C14orf39: variants seen among roughly 807,000 people sequenced by gnomAD.
C14orf39 encodes the protein protein SIX6OS1.
Under a neutral mutation model 85.6 loss-of-function variants are expected in C14orf39, and 66 were observed. The ratio of observed to expected loss-of-function variants is 0.77; its 90% CI spans 0.63 to 0.95. The LOEUF is 0.95. C14orf39 is among the 40% of genes least tolerant of loss of function. The pLI, the probability that C14orf39 is intolerant of heterozygous loss-of-function variation, is 0.00. For synonymous variants in C14orf39, 242 were observed against 214.0 expected, an observed-to-expected ratio of 1.13 and a Z score of -1.14; for missense variants, 735 against 663.9, an observed-to-expected ratio of 1.11 and a Z score of -1.18.
At chr14:60,503,398 C>T (rs893476483) in intron 1 of C14orf39, among the ~76,000 whole-genome samples, 28 of 152,146 alleles carry the variant, frequency 1.8e-4, no homozygotes, top group African/African-American at 5.3e-4. Flanking sequence ...ACCTTACACA[C>T]GGCAGGCATT....
intron 11 of C14orf39, 88 bp downstream of exon 11, chr14:60,465,891 C>A (rs934753049): frequency 2.5e-5 from 10 of 407,786 alleles, no homozygotes; most frequent in Middle Eastern, 4.0e-4. Context: ...CACACACACA[C>A]ACGTCTGTGT....
At chr14:60,486,374 C>T (rs1595490727), upstream of C14orf39, among the ~76,000 whole-genome samples, 2 of 152,062 alleles carry the variant, frequency 1.3e-5, no homozygotes, top group East Asian at 3.8e-4. Flanking sequence ...TTTTGGAGTA[C>T]AACAATAAAA....
chr14:60,479,057 T>C (rs1242522284), intron 4 of C14orf39, among the ~76,000 whole-genome samples: 2 of 152,112 alleles, frequency 1.3e-5, no homozygotes, highest in African/African-American at 4.8e-5. Flanking sequence ...TTTTTTCAGA[T>C]TCAAAAAGTA....
At chr14:60,495,985 C>T (rs150576249) in intron 2 of C14orf39, 78 of 484,648 alleles carry the variant, frequency 1.6e-4, no homozygotes, top group East Asian at 1.0e-3. Flanking sequence ...CACTTTAGGA[C>T]GAAGGGTATC....
At chr14:60,450,409 C>A (rs1026870560) in intron 16 of C14orf39, among the ~76,000 whole-genome samples, 1 of 152,188 alleles carries the variant, frequency 6.6e-6, no homozygotes, top group East Asian at 1.9e-4. Context: ...GTCGTGGGGG[C>A]CACAGGGAGA....
chr14:60,490,418 A>G (rs1278342916), upstream of C14orf39, among the ~76,000 whole-genome samples: 1 of 151,164 alleles, frequency 6.6e-6, no homozygotes, highest in Non-Finnish European at 1.5e-5. Flanking sequence ...AGCCTGGGAA[A>G]CACAGAGAAA....
At position 60,471,714 on chromosome 14, in the gene C14orf39, GAC is replaced by G; in HGVS notation, c.347_348del (p.Cys116SerfsTer3). The G allele has an allele frequency of 6.5e-7, 1 of 1,547,248 alleles. No individual in the cohort carries two copies. Reference protein sequence around the residue: ...KDKEMYHDYICQYKEVLKQYQ... With the variant: ...KDKEMYHDYIXQYKEVLKQYQ... The stretch of plus-strand genomic sequence containing the variant: ...TACTGCTTCAAAACTTCTTTATACT[GAC>G]ATATATAATCATGATACATTTCTCT... On this transcript the variant is annotated frameshift_variant, in exon 6 of 18. Coordinates refer to ENST00000321731, the MANE Select transcript of C14orf39 (RefSeq NM_174978.3). LOFTEE classifies it high-confidence loss of function.
At position 60,491,571 on chromosome 14, in the gene C14orf39, AC is replaced by A. The variant is rs1892989256; in HGVS notation, c.-8-6486del. Among the ~76,000 whole-genome samples the A allele has an allele frequency of 6.6e-6, 1 of 152,208 alleles. No homozygotes were observed. The highest frequency in any genetic ancestry group is 1.5e-5 in the Non-Finnish European group (1 of 68,042). On this transcript the variant is annotated intron_variant, in intron 2 of 5. Transcript: ENST00000556799. This position sits in a 1 kb window ranked among gnomAD's most constrained non-coding sequence, Gnocchi z 4.5. ...GTGCATACCAGAAACCTAGACCGTG[AC>A]AACCTTCCTCTCCTATCATCCCCCA...
chr14:60,469,181 T>C (rs1026059010), intron 8 of C14orf39, among the ~76,000 whole-genome samples: 2 of 151,014 alleles, frequency 1.3e-5, no homozygotes, highest in African/African-American at 4.8e-5. Context: ...CTGGCGTAGA[T>C]CTTTTAATGC....
intron 5 of C14orf39, among the ~76,000 whole-genome samples, chr14:60,477,532 T>C (rs1892439350): frequency 6.6e-6 from 1 of 152,328 alleles, no homozygotes; most frequent in Non-Finnish European, 1.5e-5. Flanking sequence ...AATGTGATTA[T>C]ACATATAATA....
chr14:60,447,890 C>T (rs1174633383), intron 16 of C14orf39, among the ~76,000 whole-genome samples: 1 of 152,126 alleles, frequency 6.6e-6, no homozygotes. Context: ...AATAACACCA[C>T]ACATGTACAA....
upstream of C14orf39, among the ~76,000 whole-genome samples, chr14:60,489,811 G>C (rs1375646543): frequency 6.6e-6 from 1 of 152,176 alleles, no homozygotes; most frequent in East Asian, 1.9e-4. Flanking sequence ...AAGGTTTTAT[G>C]AGTCAACATC....
At position 60,503,703 on chromosome 14, in the gene C14orf39, T is replaced by C. The variant is rs542908085; in HGVS notation, c.-143-4273A>G. Among the ~76,000 whole-genome samples, 5 of 152,318 alleles carry C rather than the reference T, an allele frequency of 3.3e-5. No homozygotes were observed. In the East Asian group the frequency reaches 9.6e-4, roughly 29 times the overall value. Reference sequence around the variant, plus strand: ...TAACAAGATAGAAGCAACCCCACCATTCCCACAGATATTTACAAGCTTTAT... The same window carrying C: ...TAACAAGATAGAAGCAACCCCACCACTCCCACAGATATTTACAAGCTTTAT... On this transcript the variant is annotated intron_variant, in intron 1 of 5. Coordinates refer to the C14orf39 transcript ENST00000556799.
intron 15 of C14orf39, among the ~76,000 whole-genome samples, chr14:60,455,547 T>C (rs1454840673): frequency 6.6e-6 from 1 of 152,098 alleles, no homozygotes; most frequent in Non-Finnish European, 1.5e-5. Flanking sequence ...AGATTTTGAA[T>C]GCCAGTTACA....
intron 5 of C14orf39, among the ~76,000 whole-genome samples, chr14:60,477,946 G>A (rs1257313900): frequency 3.3e-5 from 5 of 152,128 alleles, no homozygotes; most frequent in South Asian, 4.2e-4. Flanking sequence ...TTGGAAGGCC[G>A]AGGCGGGCAG....
At chr14:60,505,588 A>G in intron 1 of C14orf39, among the ~76,000 whole-genome samples, 1 of 152,230 alleles carries the variant, frequency 6.6e-6, no homozygotes, top group Non-Finnish European at 1.5e-5. Context: ...ATCACACAAA[A>G]GACTGGGGAC....
chr14:60,459,872 A>G (rs1163716746), intron 13 of C14orf39, among the ~76,000 whole-genome samples: 7 of 151,722 alleles, frequency 4.6e-5, no homozygotes, highest in Admixed American at 4.6e-4. Context: ...CTCTATTGAA[A>G]GTTTTACGTA....
At chr14:60,486,282 C>T (rs557012210), upstream of C14orf39, among the ~76,000 whole-genome samples, 22 of 152,342 alleles carry the variant, frequency 1.4e-4, no homozygotes, top group South Asian at 4.3e-3. Flanking sequence ...AAGTAGAGAC[C>T]TGTCAGAGAC....
At chr14:60,487,889 AT>A (rs1892928096), upstream of C14orf39, among the ~76,000 whole-genome samples, 1 of 152,096 alleles carries the variant, frequency 6.6e-6, no homozygotes, top group South Asian at 2.1e-4. Flanking sequence ...ATTTCTTTAT[AT>A]ATCTGTTGGC....
Sources: gnomAD v4.1 joint callset for allele counts (sites outside exome capture counted in the v4.1 genomes callset) on GRCh38, gnomAD v4.1.1 for gene constraint, Gnocchi (gnomAD v3.1) non-coding constraint, MANE v1.5 for transcripts, NCBI Gene and HGNC (gene_info 2026-07-23, HGNC 2026-07-21) for gene names.